Variants in RAD51B observed in about 807,000 individuals in gnomAD.
The protein encoded by RAD51B is RAD51 paralog B.
Under a neutral mutation model 42.2 loss-of-function variants are expected in RAD51B, and 38 were observed. The observed-to-expected ratio is 0.90, with a 90% CI of 0.70 to 1.18. RAD51B has a LOEUF of 1.18. Among genes scored for constraint, RAD51B ranks in the 50% most tolerant of loss-of-function variants. RAD51B has a pLI of 0.00. For missense variants in RAD51B, 373 were observed against 400.7 expected (o/e 0.93, Z 0.59); for synonymous variants, 154 against 145.2 (o/e 1.06, Z -0.43).
intron 7 of RAD51B, among the ~76,000 whole-genome samples, chr14:68,078,121 A>G (rs989206168): frequency 6.6e-6 from 1 of 152,196 alleles, no homozygotes; most frequent in Non-Finnish European, 1.5e-5. Context: ...TAATCCAATT[A>G]TAGTCTTTAT....
intron 7 of RAD51B, among the ~76,000 whole-genome samples, chr14:67,995,884 T>C (rs547914099): frequency 6.6e-6 from 1 of 152,268 alleles, no homozygotes; most frequent in African/African-American, 2.4e-5. Flanking sequence ...CCCAATGTGC[T>C]GGGATTACAG....
intron 7 of RAD51B, among the ~76,000 whole-genome samples, chr14:67,944,651 C>A (rs951105032): frequency 6.6e-6 from 1 of 152,042 alleles, no homozygotes; most frequent in Non-Finnish European, 1.5e-5. Flanking sequence ...TTTTATTATT[C>A]ACTTTTCTAG....
intron 8 of RAD51B, among the ~76,000 whole-genome samples, chr14:68,321,960 G>A (rs566315410): frequency 1.3e-5 from 2 of 152,148 alleles, no homozygotes; most frequent in South Asian, 2.1e-4. Flanking sequence ...TTTTGGTAGA[G>A]GTGGAGTTTC....
At chr14:68,266,108 T>A (rs1423281789) in intron 7 of RAD51B, among the ~76,000 whole-genome samples, 1 of 152,230 alleles carries the variant, frequency 6.6e-6, no homozygotes, top group African/African-American at 2.4e-5. Flanking sequence ...GGGTAGGCTT[T>A]AGGTTCCTGT....
intron 11 of RAD51B, among the ~76,000 whole-genome samples, chr14:68,666,592 A>G (rs1893036832): frequency 6.6e-6 from 1 of 152,158 alleles, no homozygotes; most frequent in Non-Finnish European, 1.5e-5. Context: ...TGTCTTTGGA[A>G]ATGAAATTAT....
At chr14:68,648,092 TG>T (rs1892611001) in intron 10 of RAD51B, among the ~76,000 whole-genome samples, 1 of 24,934 alleles carries the variant, frequency 4.0e-5, no homozygotes, top group African/African-American at 1.2e-4. Context: ...TATACGTGTG[TG>T]TATATATATA....
At chr14:68,368,500 C>A (rs1056752430) in intron 8 of RAD51B, among the ~76,000 whole-genome samples, 1 of 152,200 alleles carries the variant, frequency 6.6e-6, no homozygotes, top group Non-Finnish European at 1.5e-5. Flanking sequence ...CACAGGTTTT[C>A]CTATAATGCC....
chr14:67,931,185 T>G (rs1444489349), intron 7 of RAD51B, among the ~76,000 whole-genome samples: 1 of 152,178 alleles, frequency 6.6e-6, no homozygotes, highest in East Asian at 1.9e-4. Context: ...CCTCCCAAAG[T>G]GCTGGGATTA....
intron 7 of RAD51B, 191 bp downstream of exon 7, chr14:67,887,395 T>G (rs1478114697): frequency 2.3e-6 from 1 of 441,282 alleles, no homozygotes; most frequent in Non-Finnish European, 4.0e-6. Flanking sequence ...GCTGAGATTA[T>G]TTTATTATTT....
intron 7 of RAD51B, among the ~76,000 whole-genome samples, chr14:68,124,818 G>A (rs944450345): frequency 1.3e-5 from 2 of 151,830 alleles, no homozygotes; most frequent in African/African-American, 4.8e-5. Flanking sequence ...TGGGCATGGC[G>A]GGCACCTGTA....
intron 9 of RAD51B, among the ~76,000 whole-genome samples, chr14:68,413,867 AG>A (rs1327326917): frequency 6.6e-6 from 1 of 152,158 alleles, no homozygotes; most frequent in African/African-American, 2.4e-5. Flanking sequence ...AGATAATTCT[AG>A]GGTAGTAAGA....
In RAD51B at chr14:67,948,622, T is replaced by C. The variant is rs368189167; in HGVS notation, c.756+61418T>C. Reference sequence around the variant, plus strand: ...ACATTGTAGTCTATTAAGTGTGCAATAATATTATGTCAAAAAAGCAATATA... The same window carrying C: ...ACATTGTAGTCTATTAAGTGTGCAACAATATTATGTCAAAAAAGCAATATA... On this transcript the variant is annotated intron_variant, in intron 7 of 10. Transcript: ENST00000471583. 5.8e-4 allele frequency among the ~76,000 whole-genome samples: 88 copies of C among 152,060 alleles called. 1 individual carries two copies. In the South Asian group the frequency reaches 0.018, roughly 32 times the overall value.
At chr14:67,927,868 G>C (rs966845913) in intron 7 of RAD51B, among the ~76,000 whole-genome samples, 1 of 150,198 alleles carries the variant, frequency 6.7e-6, no homozygotes, top group Admixed American at 6.6e-5. Flanking sequence ...CTTGATCATG[G>C]TATGTTATCT....
intron 7 of RAD51B, among the ~76,000 whole-genome samples, chr14:68,036,914 A>G (rs887924681): frequency 4.6e-5 from 7 of 151,570 alleles, no homozygotes; most frequent in Non-Finnish European, 8.8e-5. Flanking sequence ...TTATTTCAAT[A>G]TTTATCACCC....
chr14:67,855,935 A>G (rs992915562), intron 4 of RAD51B, among the ~76,000 whole-genome samples: 2 of 152,190 alleles, frequency 1.3e-5, no homozygotes, highest in African/African-American at 2.4e-5. Flanking sequence ...CCTCTGTTCT[A>G]ATACAGACAT....
intron 7 of RAD51B, among the ~76,000 whole-genome samples, chr14:68,102,455 A>G (rs116500809): frequency 0.017 from 2,602 of 152,276 alleles, 34 homozygotes; most frequent in African/African-American, 0.037. Context: ...GGCAGGGGCA[A>G]AATTCCACCA....
chr14:68,210,190 C>G (rs1035395889), intron 7 of RAD51B, among the ~76,000 whole-genome samples: 3 of 152,054 alleles, frequency 2.0e-5, no homozygotes, highest in African/African-American at 7.2e-5. Flanking sequence ...TAACTCCTGA[C>G]CTGAGGTAAT....
intron 7 of RAD51B, among the ~76,000 whole-genome samples, chr14:68,110,758 T>C (rs561022099): frequency 1.2e-3 from 180 of 152,114 alleles, no homozygotes; most frequent in African/African-American, 4.1e-3. Flanking sequence ...TTAGCATTGG[T>C]AGAATTTTAA....
Position 68,114,767 on chromosome 14 carries a change from G to A in RAD51B, c.757-177117G>A, listed in dbSNP as rs189022648. Among the ~76,000 whole-genome samples, 68 of 152,214 alleles carry A rather than the reference G, an allele frequency of 4.5e-4. 3 individuals carry two copies. The East Asian group carries it at 0.013, about 29-fold the overall frequency. On this transcript the variant is annotated intron_variant, in intron 7 of 10. Coordinates refer to ENST00000471583, the MANE Select transcript of RAD51B (RefSeq NM_133510.4). Reference sequence around the variant, plus strand: ...AGAGATAATTAATTTCATATTATTTGTGTAAGTATTATTTATTGAGTGTTA... The same window carrying A: ...AGAGATAATTAATTTCATATTATTTATGTAAGTATTATTTATTGAGTGTTA...
Sources: allele counts gnomAD v4.1 joint callset (sites outside exome capture counted in the v4.1 genomes callset), GRCh38; gene constraint gnomAD v4.1.1; transcripts MANE v1.5; gene names NCBI Gene and HGNC (gene_info 2026-07-23, HGNC 2026-07-21).